Variants in UST observed in about 807,000 individuals in gnomAD.
The protein encoded by UST is uronyl 2-sulfotransferase.
A neutral mutation model predicts 45.6 loss-of-function variants in UST; 21 were observed. That is an observed-to-expected ratio of 0.46 (90% CI 0.33 to 0.66). UST has a LOEUF of 0.66. Among genes scored for constraint, UST ranks in the 30% least tolerant of loss-of-function variants. The pLI, the probability that UST is intolerant of heterozygous loss-of-function variation, is 0.02. For missense variants in UST, 463 were observed against 512.4 expected (o/e 0.90, Z 0.93); for synonymous variants, 215 against 200.6 (o/e 1.07, Z -0.61).
At chr6:148,820,988 G>C (rs867916311) in intron 1 of UST, among the ~76,000 whole-genome samples, 1 of 18,898 alleles carries the variant, frequency 5.3e-5, no homozygotes, top group Non-Finnish European at 1.0e-4. Flanking sequence ...TTTTTTTTTT[G>C]AGACGGAGTC....
chr6:148,879,696 C>A (rs1053190146), intron 1 of UST, among the ~76,000 whole-genome samples: 1 of 152,220 alleles, frequency 6.6e-6, no homozygotes, highest in African/African-American at 2.4e-5. Context: ...TGCTAGTGAA[C>A]AGTTACTAGG....
chr6:148,958,141 C>T (rs183781953), intron 4 of UST, among the ~76,000 whole-genome samples: 225 of 152,244 alleles, frequency 1.5e-3, no homozygotes, highest in African/African-American at 5.3e-3. Flanking sequence ...ATGTACAATG[C>T]GATCCCGTGA....
chr6:148,898,547 G>T (rs1165404755), intron 2 of UST, among the ~76,000 whole-genome samples: 1 of 152,142 alleles, frequency 6.6e-6, no homozygotes, highest in Non-Finnish European at 1.5e-5. Context: ...TCAACTTTCA[G>T]TGGAGATCCA....
chr6:149,012,324 G>GA (rs1224210349), intron 5 of UST, among the ~76,000 whole-genome samples: 2 of 152,054 alleles, frequency 1.3e-5, no homozygotes, highest in East Asian at 1.9e-4. Context: ...TACAAGGTTG[G>GA]AAAAAAGCCT....
At chr6:148,933,038 T>C (rs1006452909) in intron 2 of UST, among the ~76,000 whole-genome samples, 7 of 152,214 alleles carry the variant, frequency 4.6e-5, no homozygotes, top group Non-Finnish European at 7.3e-5. Context: ...ACTCAACTAC[T>C]TAGAGTGATA....
chr6:148,799,897 C>G (rs1777025401), intron 1 of UST, among the ~76,000 whole-genome samples: 1 of 152,138 alleles, frequency 6.6e-6, no homozygotes, highest in Non-Finnish European at 1.5e-5. Flanking sequence ...AAGGAGGTAT[C>G]AGAGGAACTC....
chr6:149,052,431 TA>T (rs1456456851), intron 7 of UST, among the ~76,000 whole-genome samples: 1 of 152,214 alleles, frequency 6.6e-6, no homozygotes, highest in African/African-American at 2.4e-5. Flanking sequence ...GTGAGGAAGA[TA>T]CTATTATTAT....
At chr6:148,898,422 G>GT (rs1163383328) in intron 2 of UST, among the ~76,000 whole-genome samples, 1 of 152,136 alleles carries the variant, frequency 6.6e-6, no homozygotes, top group Admixed American at 6.5e-5. Flanking sequence ...TAGGGTTATT[G>GT]TTTTTTTAAT....
chr6:148,755,085 A>G (rs1471922509), intron 1 of UST, among the ~76,000 whole-genome samples: 1 of 152,222 alleles, frequency 6.6e-6, no homozygotes, highest in African/African-American at 2.4e-5. Context: ...TTATAGTACA[A>G]TGGTTATATT....
intron 5 of UST, among the ~76,000 whole-genome samples, chr6:148,970,430 C>T (rs1359761598): frequency 2.0e-5 from 3 of 152,094 alleles, no homozygotes; most frequent in East Asian, 1.9e-4. Flanking sequence ...ACCAGGATGG[C>T]GATCCCAGAG....
chr6:149,050,944 G>T (rs917727333), intron 7 of UST, among the ~76,000 whole-genome samples: 1 of 152,218 alleles, frequency 6.6e-6, no homozygotes, highest in Non-Finnish European at 1.5e-5. Flanking sequence ...ACATGCCAAG[G>T]CTAATTGTGG....
intron 1 of UST, among the ~76,000 whole-genome samples, chr6:148,770,727 G>C (rs1246643217): frequency 6.6e-6 from 1 of 152,146 alleles, no homozygotes; most frequent in Non-Finnish European, 1.5e-5. Context: ...TCTCCTGAGT[G>C]GTGGGTGTTA....
chr6:148,811,734 A>C (rs1777259248), intron 1 of UST, among the ~76,000 whole-genome samples: 1 of 152,176 alleles, frequency 6.6e-6, no homozygotes, highest in Non-Finnish European at 1.5e-5. Context: ...CCTCAGAATG[A>C]GTGTCCCAAG....
intron 7 of UST, among the ~76,000 whole-genome samples, chr6:149,048,978 C>T (rs989194333): frequency 1.3e-5 from 2 of 152,128 alleles, no homozygotes; most frequent in African/African-American, 4.8e-5. Context: ...TCTTAAAAGC[C>T]TTCAAAATGC....
intron 7 of UST, among the ~76,000 whole-genome samples, chr6:149,034,616 C>A (rs1776203064): frequency 6.6e-6 from 1 of 152,170 alleles, no homozygotes; most frequent in East Asian, 1.9e-4. Context: ...AGCTTTACTG[C>A]AGCTTCCCTT....
chr6:148,936,624 T>G (rs1256483131), intron 2 of UST, among the ~76,000 whole-genome samples: 1 of 145,748 alleles, frequency 6.9e-6, no homozygotes, highest in Non-Finnish European at 1.5e-5. Context: ...GAAAGTGCAT[T>G]TCAAATAAAA....
At chr6:148,886,964 A>C (rs374830492) in intron 1 of UST, 22 bp from the exon 2 acceptor site, 1 of 1,606,476 alleles carries the variant, frequency 6.2e-7, no homozygotes, top group African/African-American at 1.3e-5. Context: ...CGGATTCATC[A>C]ACTTTTTCCT....
At chr6:148,774,408 G>A (rs544912582) in intron 1 of UST, among the ~76,000 whole-genome samples, 10 of 151,994 alleles carry the variant, frequency 6.6e-5, no homozygotes, top group South Asian at 4.1e-4. Context: ...TTTGTGAAAT[G>A]TGTAAAATCT....
chr6:149,022,075 T>C (rs1480172637), intron 7 of UST, among the ~76,000 whole-genome samples: 1 of 152,224 alleles, frequency 6.6e-6, no homozygotes. Context: ...GGCAAAGCAA[T>C]TACAAGGGCT....
Sources: gnomAD v4.1 joint callset for allele counts (sites outside exome capture counted in the v4.1 genomes callset) on GRCh38, gnomAD v4.1.1 for gene constraint, MANE v1.5 for transcripts, NCBI Gene and HGNC (gene_info 2026-07-23, HGNC 2026-07-21) for gene names.